CHST11: variants seen among roughly 807,000 people sequenced by gnomAD.
The protein encoded by CHST11 is carbohydrate sulfotransferase 11.
CHST11 carries 9 observed loss-of-function variants against 30.4 expected under a neutral mutation model. That is an observed-to-expected ratio of 0.30 (90% CI 0.18 to 0.52). CHST11 has a LOEUF of 0.52. Ranked by LOEUF, CHST11 falls within the 20% of genes least tolerant of loss-of-function variation. CHST11 has a pLI of 0.97. For missense variants in CHST11, 348 were observed against 460.6 expected, an observed-to-expected ratio of 0.76 and a Z score of 2.24; for synonymous variants, 152 against 187.8, an observed-to-expected ratio of 0.81 and a Z score of 1.56.
chr12:104,556,084 G>C (rs901909577), intron 1 of CHST11, among the ~76,000 whole-genome samples: 4 of 152,212 alleles, frequency 2.6e-5, no homozygotes, highest in Admixed American at 2.6e-4. Flanking sequence ...AGCTTTGGAG[G>C]GACCAGAAAG....
intron 1 of CHST11, among the ~76,000 whole-genome samples, chr12:104,526,313 C>T (rs929987963): frequency 3.9e-5 from 6 of 152,116 alleles, no homozygotes; most frequent in South Asian, 4.1e-4. Context: ...TTTATAGAGG[C>T]CTTGATCCTT....
At chr12:104,654,835 C>T (rs2039527394) in intron 2 of CHST11, among the ~76,000 whole-genome samples, 1 of 152,148 alleles carries the variant, frequency 6.6e-6, no homozygotes, top group Non-Finnish European at 1.5e-5. Flanking sequence ...TATTTATTTC[C>T]ACTGCCAACA....
At chr12:104,728,306 A>G (rs2040231505) in intron 2 of CHST11, among the ~76,000 whole-genome samples, 1 of 152,202 alleles carries the variant, frequency 6.6e-6, no homozygotes, top group Non-Finnish European at 1.5e-5. Context: ...CAAAGCCCGG[A>G]GGAGCATGAT....
Position 104,631,656 on chromosome 12 carries a change from A to G in CHST11, c.204+29665A>G, listed in dbSNP as rs377516262. On this transcript the variant is annotated intron_variant, in intron 2 of 2. Transcript: ENST00000303694. Reference sequence around the variant, plus strand: ...AGCCTGGCATGAAGGCCTGAATTCCATCCTTGCTGGGGCCTCTCCACCTCC... The same window carrying G: ...AGCCTGGCATGAAGGCCTGAATTCCGTCCTTGCTGGGGCCTCTCCACCTCC... 5.3e-5 allele frequency among the ~76,000 whole-genome samples: 8 copies of G among 152,316 alleles called. No individual in the cohort carries two copies. In the South Asian group the frequency reaches 8.3e-4, roughly 16 times the overall value.
At chr12:104,551,872 G>C (rs562610314) in intron 1 of CHST11, among the ~76,000 whole-genome samples, 12 of 152,274 alleles carry the variant, frequency 7.9e-5, no homozygotes, top group Middle Eastern at 6.8e-3. Context: ...CTCTTTGCCT[G>C]CTGTGACAGC....
At chr12:104,460,962 G>T (rs749861500) in intron 1 of CHST11, among the ~76,000 whole-genome samples, 1 of 152,168 alleles carries the variant, frequency 6.6e-6, no homozygotes, top group Non-Finnish European at 1.5e-5. Context: ...CACGGTGTCT[G>T]ACAACAGTGG....
At chr12:104,637,572 T>C (rs2039337804) in intron 2 of CHST11, among the ~76,000 whole-genome samples, 1 of 152,200 alleles carries the variant, frequency 6.6e-6, no homozygotes, top group Admixed American at 6.5e-5. Context: ...GACCTTTCTA[T>C]GGCTTCCTTC....
intron 1 of CHST11, among the ~76,000 whole-genome samples, chr12:104,554,943 G>A (rs2038441089): frequency 6.6e-6 from 1 of 152,154 alleles, no homozygotes; most frequent in Non-Finnish European, 1.5e-5. Context: ...GGGTTGGTGG[G>A]GAGGTATGTT....
intron 1 of CHST11, among the ~76,000 whole-genome samples, chr12:104,532,361 G>T (rs375164557): frequency 2.1e-5 from 3 of 140,274 alleles, no homozygotes; most frequent in East Asian, 2.4e-4. Context: ...ACGGTGTATT[G>T]GTTCCTAGGT....
At chr12:104,629,023 G>T (rs1178749647) in intron 2 of CHST11, among the ~76,000 whole-genome samples, 1 of 152,174 alleles carries the variant, frequency 6.6e-6, no homozygotes, top group Admixed American at 6.5e-5. Flanking sequence ...GGCACCCCAA[G>T]CTTCCTAAGA....
rs75277375 is a variant in CHST11 at position 104,520,423 on chromosome 12, G to A, written c.118+62894G>A. Reference sequence around the variant, plus strand: ...CAGCAGTTGTTAGTGTAAGAAGGGCGGGTTAGTACATGGGTGGTGGTCAGG... The same window carrying A: ...CAGCAGTTGTTAGTGTAAGAAGGGCAGGTTAGTACATGGGTGGTGGTCAGG... On this transcript the variant is annotated intron_variant, in intron 1 of 2. Transcript: ENST00000303694. Among the ~76,000 whole-genome samples, 24 of 152,202 alleles carry A rather than the reference G, an allele frequency of 1.6e-4. No homozygotes were observed. The East Asian group carries it at 4.2e-3, about 27-fold the overall frequency.
At chr12:104,697,480 C>G (rs114201680) in intron 2 of CHST11, among the ~76,000 whole-genome samples, 1 of 152,138 alleles carries the variant, frequency 6.6e-6, no homozygotes, top group African/African-American at 2.4e-5. Context: ...CTCCGGCCCT[C>G]GTATCCAGAC....
In CHST11 at chr12:104,605,466, C is replaced by T. The variant is rs921092871; in HGVS notation, c.204+3475C>T. 5.3e-5 allele frequency among the ~76,000 whole-genome samples: 8 copies of T among 152,338 alleles called. No individual in the cohort carries two copies. In the South Asian group the frequency reaches 8.3e-4, roughly 16 times the overall value. ...TGGTGGCGGGCGCCTACAGTCCCAG[C>T]TTCTCCGGAGGCTGAGGCAGGAGAA... On this transcript the variant is annotated intron_variant, in intron 2 of 2. Transcript: ENST00000303694.
intron 1 of CHST11, chr12:104,514,167 C>A: frequency 1.0e-6 from 1 of 998,568 alleles, no homozygotes; most frequent in Non-Finnish European, 1.6e-6. Context: ...CAGTTCCCTA[C>A]TCCAGGTGGC....
chr12:104,710,086 A>C (rs1481654335), intron 2 of CHST11, among the ~76,000 whole-genome samples: 1 of 152,202 alleles, frequency 6.6e-6, no homozygotes, highest in Non-Finnish European at 1.5e-5. Context: ...CTGTAGTCCC[A>C]GCTACTTGGG....
rs956042933 is a variant in CHST11 at position 104,458,707 on chromosome 12, C to G, written c.118+1178C>G. On this transcript the variant is annotated intron_variant, in intron 1 of 2. Coordinates refer to ENST00000303694, the MANE Select transcript of CHST11 (RefSeq NM_018413.6). The surrounding 1 kb of genome is among the most constrained non-coding windows in gnomAD (Gnocchi z 5.7). ...TCCATTTTCTACGCCTCCGAGTTGC[C>G]TTTCTCAGCGTAGTCACAGCAATAA... Among the ~76,000 whole-genome samples, 56 of 152,272 alleles carry G rather than the reference C, an allele frequency of 3.7e-4. No homozygotes were observed. Among genetic ancestry groups the G allele is most frequent in the African/African-American group, 1.3e-3 (55 of 41,476 alleles).
chr12:104,607,067 AAAATAAATAAAT>A (rs912926434), intron 2 of CHST11, among the ~76,000 whole-genome samples: 3 of 152,062 alleles, frequency 2.0e-5, no homozygotes, highest in Middle Eastern at 3.2e-3. Context: ...TCAAAAAATA[AAAATAAATAAAT>A]AAATAAATAT....
At chr12:104,507,768 A>G (rs949644907) in intron 1 of CHST11, among the ~76,000 whole-genome samples, 2 of 152,054 alleles carry the variant, frequency 1.3e-5, no homozygotes, top group Admixed American at 1.3e-4. Flanking sequence ...GCAAATTCTC[A>G]TGGATCTGGC....
intron 1 of CHST11, among the ~76,000 whole-genome samples, chr12:104,484,757 G>A (rs1377941848): frequency 6.6e-6 from 1 of 152,184 alleles, no homozygotes; most frequent in Non-Finnish European, 1.5e-5. Context: ...AGAAGGACAG[G>A]GTGTCAAGAG....
Sources: gnomAD v4.1 joint callset for allele counts (sites outside exome capture counted in the v4.1 genomes callset) on GRCh38, gnomAD v4.1.1 for gene constraint, Gnocchi (gnomAD v3.1) non-coding constraint, MANE v1.5 for transcripts, NCBI Gene and HGNC (gene_info 2026-07-23, HGNC 2026-07-21) for gene names.